Variants in MPP4 observed in about 807,000 individuals in gnomAD.
MPP4 encodes the protein MAGUK p55 subfamily member 4.
A neutral mutation model predicts 98.3 loss-of-function variants in MPP4; 91 were observed. That is an observed-to-expected ratio of 0.93 (90% confidence interval 0.78 to 1.10). MPP4 has a LOEUF of 1.10. MPP4 is among the 50% of genes least tolerant of loss of function. The pLI, the probability that MPP4 is intolerant of heterozygous loss-of-function variation, is 0.00. For missense variants in MPP4, 744 were observed against 792.9 expected, an observed-to-expected ratio of 0.94 and a Z score of 0.74; for synonymous variants, 261 against 271.8, an observed-to-expected ratio of 0.96 and a Z score of 0.39.
At chr2:201,693,127 G>A (rs1202841199) in intron 2 of MPP4, 98 bp from the exon 3 acceptor site, 1 of 1,389,886 alleles carries the variant, frequency 7.2e-7, no homozygotes, top group Non-Finnish European at 9.7e-7. Context: ...CTCACCAGGA[G>A]TGGAAATGAC....
chr2:201,698,446 T>C, intron 1 of MPP4, 141 bp downstream of exon 1: 1 of 531,070 alleles, frequency 1.9e-6, no homozygotes, highest in Middle Eastern at 3.9e-4. Flanking sequence ...ATTCCCCATA[T>C]CATTTGAGTT....
intron 15 of MPP4, among the ~76,000 whole-genome samples, chr2:201,659,662 G>A (rs574237532): frequency 5.9e-5 from 9 of 152,076 alleles, no homozygotes; most frequent in South Asian, 4.1e-4. Context: ...GTGAAACCCC[G>A]CCTTTACTAA....
At position 201,693,829 on chromosome 2, in the gene MPP4, G is replaced by A. The variant is rs151057755; in HGVS notation, c.79+47C>T. The A allele has an allele frequency of 3.2e-4, 508 of 1,592,366 alleles. 2 individuals are homozygous for A. The African/African-American group carries it at 5.5e-3, about 17-fold the overall frequency. ...CCTATTCATTTGATCACATGTCAGAGGTGATATTACTTTCTGGTCTAGAAA... is the reference window on the plus strand; with the variant it reads ...CCTATTCATTTGATCACATGTCAGAAGTGATATTACTTTCTGGTCTAGAAA... On this transcript the variant is annotated intron_variant, in intron 2 of 21. Coordinates refer to ENST00000409474, the MANE Select transcript of MPP4 (RefSeq NM_033066.3).
intron 15 of MPP4, 90 bp from the exon 16 acceptor site, chr2:201,658,608 T>G: frequency 8.2e-7 from 1 of 1,220,100 alleles, no homozygotes; most frequent in Middle Eastern, 1.9e-4. Context: ...ACTTTTCAAG[T>G]GACCACCTTA....
chr2:201,690,347 T>A, intron 3 of MPP4, 68 bp from the exon 4 acceptor site: 1 of 1,094,318 alleles, frequency 9.1e-7, no homozygotes, highest in African/African-American at 1.6e-5. Flanking sequence ...GATTTAAGAC[T>A]CTCAAAGAGA....
intron 20 of MPP4, among the ~76,000 whole-genome samples, chr2:201,648,148 T>A (rs2105909709): frequency 6.6e-6 from 1 of 152,300 alleles, no homozygotes; most frequent in East Asian, 1.9e-4. Flanking sequence ...TCAGCCTCTC[T>A]AGTAGCTGGG....
chr2:201,695,292 C>T (rs1030963002), intron 1 of MPP4, among the ~76,000 whole-genome samples: 2 of 152,158 alleles, frequency 1.3e-5, no homozygotes, highest in Non-Finnish European at 2.9e-5. Flanking sequence ...AAAACACGGG[C>T]AAAGAAAATA....
chr2:201,691,718 C>T (rs532243248), intron 3 of MPP4, among the ~76,000 whole-genome samples: 2 of 152,192 alleles, frequency 1.3e-5, no homozygotes, highest in South Asian at 4.2e-4. Flanking sequence ...AGGGTTTTGC[C>T]ATGTTGGCCA....
chr2:201,683,418 G>C (rs1179305280), intron 7 of MPP4, among the ~76,000 whole-genome samples: 3 of 152,164 alleles, frequency 2.0e-5, no homozygotes, highest in Admixed American at 2.0e-4. Flanking sequence ...TTCAAGAAAG[G>C]TGTCAACAGC....
At position 201,681,045 on chromosome 2, in the gene MPP4, G is replaced by C. The variant is rs1156747784; in HGVS notation, c.733-11C>G. The C allele has an allele frequency of 6.2e-7, 1 of 1,603,676 alleles. No individual in the cohort carries two copies. Among genetic ancestry groups the C allele is most frequent in the Admixed American group, 1.7e-5 (1 of 59,860 alleles). ...GGCACGGACGTACACCTGATGGCAG[G>C]TGCATAATGACGCTATCAGAAGGTG... On this transcript the variant is annotated splice_polypyrimidine_tract_variant and intron_variant, in intron 9 of 21. Coordinates refer to ENST00000409474, the MANE Select transcript of MPP4 (RefSeq NM_033066.3).
chr2:201,677,025 C>T (rs2105934466), intron 10 of MPP4, among the ~76,000 whole-genome samples: 1 of 152,326 alleles, frequency 6.6e-6, no homozygotes. Flanking sequence ...AGGCCAGAGC[C>T]AAGATTCTTG....
intron 21 of MPP4, among the ~76,000 whole-genome samples, chr2:201,646,083 C>T (rs778438217): frequency 4.6e-5 from 7 of 152,072 alleles, no homozygotes; most frequent in Non-Finnish European, 7.4e-5. Flanking sequence ...GTCTTAATGT[C>T]TCGTCATGTT....
chr2:201,694,123 A>G (rs1471028996), intron 1 of MPP4, 69 bp from the exon 2 acceptor site: 5 of 1,442,252 alleles, frequency 3.5e-6, no homozygotes, highest in African/African-American at 1.4e-5. Context: ...GATACACATC[A>G]AATGAAACAC....
At chr2:201,681,827 C>T (rs151063399) in intron 8 of MPP4, among the ~76,000 whole-genome samples, 4 of 151,266 alleles carry the variant, frequency 2.6e-5, no homozygotes, top group Admixed American at 2.0e-4. Context: ...GGGACCCCCC[C>T]CCACCCTACA....
intron 15 of MPP4, among the ~76,000 whole-genome samples, chr2:201,658,965 C>T (rs1574606110): frequency 6.6e-6 from 1 of 152,124 alleles, no homozygotes; most frequent in South Asian, 2.1e-4. Context: ...GGCACGATCT[C>T]GGCCACTGCA....
chr2:201,687,366 C>T lies in MPP4; in HGVS notation c.285G>A (p.Val95=). ...AAGTAGGGGTTTCACGTAATAACTC[C>T]ACTACCTGGTTCATGGAAAAGGATA... ...PHAQVLSYEV[V]ELLRETPTSP... is the part of the protein sequence containing the mutation. Residue 95 remains valine, a synonymous_variant, in exon 5 of 22, where the codon GTG becomes GTA. Coordinates refer to ENST00000409474, the MANE Select transcript of MPP4 (RefSeq NM_033066.3). 6.4e-7 allele frequency: 1 copy of T among 1,574,652 alleles called. No individual in the cohort carries two copies. The highest frequency in any genetic ancestry group is 1.8e-5 in the Admixed American group (1 of 54,726).
chr2:201,663,005 G>C (rs1358001750), intron 14 of MPP4, among the ~76,000 whole-genome samples: 1 of 152,108 alleles, frequency 6.6e-6, no homozygotes, highest in African/African-American at 2.4e-5. Flanking sequence ...ATATATTAAA[G>C]AAAAAGAAAA....
rs546323831 is a variant in MPP4, at chr2:201,678,162, G to T, written c.929+2676C>A. On this transcript the variant is annotated intron_variant, in intron 10 of 21. Transcript: ENST00000409474. Reference sequence around the variant, plus strand: ...GAGAACTTCCTATCATTCTTTGTTTGTGTGCCCCCCCAAGAAACCCATAAT... The same window carrying T: ...GAGAACTTCCTATCATTCTTTGTTTTTGTGCCCCCCCAAGAAACCCATAAT... 4.6e-5 allele frequency among the ~76,000 whole-genome samples: 7 copies of T among 151,484 alleles called. No individual in the cohort carries two copies. The East Asian group carries it at 1.4e-3, about 29-fold the overall frequency.
At chr2:201,683,154 T>C (rs1688710910) in intron 7 of MPP4, among the ~76,000 whole-genome samples, 1 of 152,266 alleles carries the variant, frequency 6.6e-6, no homozygotes, top group Non-Finnish European at 1.5e-5. Flanking sequence ...GTCATATTTT[T>C]ATTTTTGCTA....
Sources: gnomAD v4.1 joint callset for allele counts (sites outside exome capture counted in the v4.1 genomes callset) on GRCh38, gnomAD v4.1.1 for gene constraint, MANE v1.5 for transcripts, NCBI Gene and HGNC (gene_info 2026-07-23, HGNC 2026-07-21) for gene names.